Variants in CHFR observed in about 807,000 individuals in gnomAD.
CHFR encodes E3 ubiquitin-protein ligase CHFR.
In CHFR, 57 loss-of-function variants were observed where a neutral mutation model predicts 87.6. The ratio of observed to expected loss-of-function variants is 0.65; its 90% CI spans 0.53 to 0.81. The LOEUF (loss-of-function observed/expected upper bound fraction) is 0.81. CHFR is among the 30% of genes least tolerant of loss of function. The probability of loss-of-function intolerance (pLI) is 0.00; values close to 1 mark genes in which losing one functional copy is unlikely to be tolerated. For missense variants in CHFR, 797 were observed against 865.8 expected, an observed-to-expected ratio of 0.92 and a Z score of 1.00; for synonymous variants, 381 against 359.2, an observed-to-expected ratio of 1.06 and a Z score of -0.69.
intron 9 of CHFR, among the ~76,000 whole-genome samples, chr12:132,856,907 C>A (rs1319548489): frequency 7.2e-6 from 1 of 138,870 alleles, no homozygotes; most frequent in Non-Finnish European, 1.5e-5. Context: ...GGTGGAGGGA[C>A]CGCCCTCACT....
At chr12:132,846,817 G>A (rs1475775299) in intron 15 of CHFR, among the ~76,000 whole-genome samples, 2 of 152,102 alleles carry the variant, frequency 1.3e-5, no homozygotes, top group East Asian at 1.9e-4. Context: ...GAGGCCGAGG[G>A]GGCCTTGAGC....
chr12:132,848,056 C>A (rs780583670), intron 14 of CHFR, 29 bp downstream of exon 14: 3 of 1,613,736 alleles, frequency 1.9e-6, no homozygotes, highest in Non-Finnish European at 2.5e-6. Flanking sequence ...ATGTGGCTCC[C>A]GGCTCCCCAG....
chr12:132,884,589 T>C (rs958885832), intron 2 of CHFR, among the ~76,000 whole-genome samples: 2 of 152,032 alleles, frequency 1.3e-5, no homozygotes, highest in Non-Finnish European at 2.9e-5. Context: ...AGCTGATAAA[T>C]GTTAAATGAG....
rs1313476649 is a variant in CHFR, at chr12:132,839,263, C to G, written c.*2291G>C. ...AGCCCACTTCATTGGCGAATGCCAG[C>G]CTCCCCTCTCAGCCTCGCACCTGCA... On this transcript the variant is annotated 3_prime_UTR_variant, in exon 18 of 18. Transcript: ENST00000450056. The G allele has an allele frequency of 1.7e-5, 3 of 172,218 alleles. No individual in the cohort carries two copies. Among genetic ancestry groups the G allele is most frequent in the African/African-American group, 7.2e-5 (3 of 41,524 alleles). 10.7% of individuals were successfully genotyped at this position (172,218 alleles called of 1,614,324 possible). A position where few individuals can be genotyped will look rare whatever the true frequency, so the allele number is the denominator to read the frequency against.
At position 132,840,625 on chromosome 12, in the gene CHFR, G is replaced by A. The variant is rs1950689402; in HGVS notation, c.*929C>T. The A allele has an allele frequency of 6.6e-6, 1 of 152,664 alleles. No homozygotes were observed. Among genetic ancestry groups the A allele is most frequent in the Non-Finnish European group, 1.5e-5 (1 of 68,036 alleles). 9.5% of individuals were successfully genotyped at this position (152,664 alleles called of 1,614,324 possible). ...CAGGCGGAAGCCAAGGTGCCCCTCAGGCTCTGTAGGGTCTTGGAGGAAGGG... is the reference window on the plus strand; with the variant it reads ...CAGGCGGAAGCCAAGGTGCCCCTCAAGCTCTGTAGGGTCTTGGAGGAAGGG... On this transcript the variant is annotated 3_prime_UTR_variant, in exon 18 of 18. Coordinates refer to ENST00000450056, the MANE Select transcript of CHFR (RefSeq NM_001161346.2).
intron 2 of CHFR, among the ~76,000 whole-genome samples, chr12:132,886,447 G>A (rs1330702623): frequency 6.6e-6 from 1 of 151,680 alleles, no homozygotes; most frequent in Non-Finnish European, 1.5e-5. Context: ...TATAATGTCG[G>A]AGCTAATTCA....
Position 132,833,891 on chromosome 12 carries a change from G to A in CHFR, c.*7663C>T, listed in dbSNP as rs1023325114. Reference sequence around the variant, plus strand: ...GGAACAGTGTCCCAGGAGAGGGAAAGGCAAGGAGAACGAGTACTCAAAGGC... The same window carrying A: ...GGAACAGTGTCCCAGGAGAGGGAAAAGCAAGGAGAACGAGTACTCAAAGGC... On this transcript the variant is annotated 3_prime_UTR_variant, in exon 18 of 18. Transcript: ENST00000450056. 6.6e-6 allele frequency: 1 copy of A among 152,370 alleles called. No homozygotes were observed. The highest frequency in any genetic ancestry group is 1.5e-5 in the Non-Finnish European group (1 of 68,138). The allele number at this position is 152,370 out of a possible 1,614,324, so 9.4% of individuals were successfully genotyped here. A position where few individuals can be genotyped will look rare whatever the true frequency, so the allele number is the denominator to read the frequency against.
rs781224248 is a variant in CHFR at position 132,851,667 on chromosome 12, G to A, written c.1443C>T (p.Pro481=). 17 of 1,613,170 alleles carry A rather than the reference G, an allele frequency of 1.1e-5. No individual in the cohort carries two copies. Among genetic ancestry groups the A allele is most frequent in the Admixed American group, 1.0e-4 (6 of 59,988 alleles). ...ALCTCCFQPM[P]DRRAEREQDP... is the part of the protein sequence containing the mutation. ...CCTGCTCGCGCTCCGCTCTCCGGTC[G>A]GGCATGGGCTGGAAGCAGCAGGTGC... Residue 481 remains proline, a synonymous_variant, in exon 12 of 18, where the codon CCC becomes CCT. Transcript: ENST00000450056.
intron 3 of CHFR, 39 bp downstream of exon 3, chr12:132,877,516 A>C (rs1043377128): frequency 1.0e-5 from 14 of 1,397,718 alleles, no homozygotes; most frequent in Non-Finnish European, 1.4e-5. Context: ...TTCTTAAGCT[A>C]CAAGAAGAAA....
In CHFR at chr12:132,836,883, A is replaced by C; in HGVS notation, c.*4671T>G. On this transcript the variant is annotated 3_prime_UTR_variant, in exon 18 of 18. Coordinates refer to ENST00000450056, the MANE Select transcript of CHFR (RefSeq NM_001161346.2). ...GCCCTGGGGCCAAACATTTCAGACA[A>C]ATAAACAACAGTGGGCAGACAGGCA... The C allele has an allele frequency of 5.0e-6, 2 of 399,380 alleles. No individual in the cohort carries two copies. The highest frequency in any genetic ancestry group is 3.7e-5 in the South Asian group (2 of 54,630). 24.7% of individuals were successfully genotyped at this position (399,380 alleles called of 1,614,324 possible).
In CHFR at chr12:132,877,566, C is replaced by A; in HGVS notation, c.222G>T (p.Leu74=). 1 of 1,608,042 alleles carries A rather than the reference C, an allele frequency of 6.2e-7. No homozygotes were observed. Among genetic ancestry groups the A allele is most frequent in the Non-Finnish European group, 8.5e-7 (1 of 1,175,516 alleles). ...CAGAACATACTCACCTGGTATCTTC[C>A]AGTGTCACCTGACCTGATTTTTCAT... is the stretch of plus-strand genomic sequence containing the variant. ...VVDEKSGQVT[L]EDTSTSGTVI... Residue 74 remains leucine (L), a synonymous_variant, in exon 3 of 18, where the codon CTG becomes CTT. Transcript: ENST00000450056.
In CHFR at chr12:132,841,297, T is replaced by C. The variant is rs554895850; in HGVS notation, c.*257A>G. 13 of 417,640 alleles carry C rather than the reference T, an allele frequency of 3.1e-5. No individual in the cohort carries two copies. Among genetic ancestry groups the C allele is most frequent in the African/African-American group, 2.7e-4 (13 of 49,050 alleles). The allele number at this position is 417,640 out of a possible 1,614,324, so 25.9% of individuals were successfully genotyped here. A position where few individuals can be genotyped will look rare whatever the true frequency, so the allele number is the denominator to read the frequency against. ...GGACGGCCGCATGTTACAGAAAGGC[T>C]TCGTCTCTGCTGCTGATGCCACCAC... On this transcript the variant is annotated 3_prime_UTR_variant, in exon 18 of 18. Transcript: ENST00000450056.
intron 15 of CHFR, 112 bp from the exon 16 acceptor site, chr12:132,844,246 G>A: frequency 1.5e-6 from 1 of 673,208 alleles, no homozygotes; most frequent in Non-Finnish European, 2.8e-6. Flanking sequence ...GAAGACAACG[G>A]GCGACACATT....
At chr12:132,886,408 A>G (rs1450585880) in intron 2 of CHFR, among the ~76,000 whole-genome samples, 1 of 152,170 alleles carries the variant, frequency 6.6e-6, no homozygotes, top group Non-Finnish European at 1.5e-5. Context: ...CAAACAGCAA[A>G]TATTTCCCAT....
At chr12:132,861,151 G>A (rs567584082) in intron 7 of CHFR, among the ~76,000 whole-genome samples, 1 of 152,282 alleles carries the variant, frequency 6.6e-6, no homozygotes, top group East Asian at 1.9e-4. Context: ...CCCAGTGTTA[G>A]GATTACGGAT....
At chr12:132,872,060 A>T in intron 4 of CHFR, 2 of 475,982 alleles carry the variant, frequency 4.2e-6, no homozygotes, top group South Asian at 8.0e-5. Flanking sequence ...TTGGCTGCTC[A>T]TGGCCACAGT....
At position 132,878,338 on chromosome 12, in the gene CHFR, G is replaced by A. The variant is rs183497077; in HGVS notation, c.134-684C>T. Reference sequence around the variant, plus strand: ...ACAAAAATTAGCTGGGCATGGTGGCGGTTGCCTATAATCCCAGCTACTTGG... The same window carrying A: ...ACAAAAATTAGCTGGGCATGGTGGCAGTTGCCTATAATCCCAGCTACTTGG... On this transcript the variant is annotated intron_variant, in intron 2 of 17. Coordinates refer to ENST00000450056, the MANE Select transcript of CHFR (RefSeq NM_001161346.2). Among the ~76,000 whole-genome samples the A allele has an allele frequency of 3.8e-4, 57 of 151,708 alleles. No homozygotes were observed. In the East Asian group the frequency reaches 4.9e-3, roughly 13 times the overall value.
At position 132,872,406 on chromosome 12, in the gene CHFR, CAA is replaced by C; in HGVS notation, c.234-14_234-13del. ...CTGTTCCACTGGTGCTGTAAAAAAA[CAA>C]AAACACAATTTATTCTACTTAAAAT... On this transcript the variant is annotated splice_polypyrimidine_tract_variant and intron_variant, in intron 3 of 17. Transcript: ENST00000450056. 6.3e-7 allele frequency: 1 copy of C among 1,577,258 alleles called. No homozygotes were observed. Among genetic ancestry groups the C allele is most frequent in the South Asian group, 1.1e-5 (1 of 89,676 alleles).
At chr12:132,858,968 A>G in intron 8 of CHFR, 100 bp downstream of exon 8, 1 of 1,224,624 alleles carries the variant, frequency 8.2e-7, no homozygotes, top group East Asian at 2.7e-5. Context: ...TGCCAGGCCA[A>G]ACAGGACCTG....
Sources: gnomAD v4.1 joint callset for allele counts (sites outside exome capture counted in the v4.1 genomes callset) on GRCh38, gnomAD v4.1.1 for gene constraint, MANE v1.5 for transcripts, NCBI Gene and HGNC (gene_info 2026-07-23, HGNC 2026-07-21) for gene names.